Variants in PCDH15 observed in about 807,000 individuals in gnomAD.
The protein encoded by PCDH15 is protocadherin related 15.
Under a neutral mutation model 178.5 loss-of-function variants are expected in PCDH15, and 129 were observed. The observed-to-expected ratio is 0.72, with a 90% CI of 0.63 to 0.84. The LOEUF (loss-of-function observed/expected upper bound fraction) is 0.84. Ranked by LOEUF, PCDH15 falls within the 40% of genes least tolerant of loss-of-function variation. PCDH15 has a pLI of 0.00. For missense variants in PCDH15, 2,230 were observed against 2,099.9 expected (o/e 1.06, Z -1.21); for synonymous variants, 800 against 732.0 (o/e 1.09, Z -1.50).
At position 54,306,566 on chromosome 10, in the gene PCDH15, G is replaced by A. The variant is rs548912623; in HGVS notation, c.876+10705C>T. Among the ~76,000 whole-genome samples, 5 of 152,042 alleles carry A rather than the reference G, an allele frequency of 3.3e-5. No homozygotes were observed. In the East Asian group the frequency reaches 7.8e-4, roughly 24 times the overall value. ...TTCAACTGACTGGATGCAGCCAACC[G>A]ATATCATAGATCCAAAGTCCAGTGA... is the stretch of plus-strand genomic sequence containing the variant. On this transcript the variant is annotated intron_variant, in intron 8 of 37. Transcript: ENST00000644397.
intron 2 of PCDH15, among the ~76,000 whole-genome samples, chr10:55,504,832 C>T (rs952743628): frequency 4.6e-5 from 7 of 151,262 alleles, no homozygotes; most frequent in African/African-American, 1.7e-4. Flanking sequence ...AGATATAATG[C>T]ATACATTTAA....
At chr10:55,383,122 G>T (rs1175879539) in intron 2 of PCDH15, among the ~76,000 whole-genome samples, 3 of 152,128 alleles carry the variant, frequency 2.0e-5, no homozygotes, top group African/African-American at 7.2e-5. Flanking sequence ...TGATGGGAGT[G>T]GCTCTCAGTG....
At chr10:54,819,316 T>G (rs958125731) in intron 3 of PCDH15, among the ~76,000 whole-genome samples, 1 of 152,084 alleles carries the variant, frequency 6.6e-6, no homozygotes, top group African/African-American at 2.4e-5. Context: ...TTGCTCATAT[T>G]TGGGGTCTTT....
intron 2 of PCDH15, among the ~76,000 whole-genome samples, chr10:54,916,872 T>C (rs1837350861): frequency 6.6e-6 from 1 of 152,188 alleles, no homozygotes; most frequent in Non-Finnish European, 1.5e-5. Flanking sequence ...TGGGATTTTT[T>C]GCAAGTGATG....
chr10:54,735,733 G>A (rs573360001), intron 1 of PCDH15, among the ~76,000 whole-genome samples: 8 of 114,534 alleles, frequency 7.0e-5, no homozygotes, highest in Non-Finnish European at 1.3e-4. Flanking sequence ...GGATGAAATT[G>A]GAAATCATCA....
At chr10:54,760,276 A>G (rs1406014640) in intron 1 of PCDH15, among the ~76,000 whole-genome samples, 1 of 151,886 alleles carries the variant, frequency 6.6e-6, no homozygotes, top group Non-Finnish European at 1.5e-5. Context: ...TTCCTTTTTA[A>G]TTTACCTCAC....
At chr10:54,948,102 C>T (rs1453096895) in intron 2 of PCDH15, among the ~76,000 whole-genome samples, 1 of 151,730 alleles carries the variant, frequency 6.6e-6, no homozygotes, top group Non-Finnish European at 1.5e-5. Flanking sequence ...GGTATTTATT[C>T]TTCATAGACT....
intron 1 of PCDH15, among the ~76,000 whole-genome samples, chr10:55,257,134 G>A (rs7897137): frequency 1.6e-4 from 24 of 152,294 alleles, no homozygotes; most frequent in South Asian, 1.0e-3. Flanking sequence ...TGGACCTCCA[G>A]CAAACTCCAA....
chr10:53,917,680 A>G (rs889616375), intron 25 of PCDH15, among the ~76,000 whole-genome samples: 1 of 152,164 alleles, frequency 6.6e-6, no homozygotes. Context: ...AAAAGATAAG[A>G]GAAGAATCCA....
chr10:54,500,149 C>A (rs2080525622), intron 3 of PCDH15, among the ~76,000 whole-genome samples: 1 of 144,784 alleles, frequency 6.9e-6, no homozygotes, highest in Non-Finnish European at 1.5e-5. Context: ...TTTGCAACAA[C>A]ATTAAAGCAG....
chr10:54,563,950 T>C (rs2088608567), intron 2 of PCDH15, among the ~76,000 whole-genome samples: 1 of 152,056 alleles, frequency 6.6e-6, no homozygotes, highest in South Asian at 2.1e-4. Context: ...TAATAGTGCA[T>C]AAAAGCAAAG....
At chr10:54,257,244 A>C (rs911941009) in intron 8 of PCDH15, among the ~76,000 whole-genome samples, 26 of 152,232 alleles carry the variant, frequency 1.7e-4, no homozygotes, top group African/African-American at 6.3e-4. Context: ...AGTATGTGGA[A>C]CTCACCTACT....
chr10:54,987,052 T>C (rs1839387951), intron 2 of PCDH15, among the ~76,000 whole-genome samples: 1 of 152,090 alleles, frequency 6.6e-6, no homozygotes, highest in African/African-American at 2.4e-5. Context: ...TGTGTGATGT[T>C]CCCCTCCCTG....
At chr10:54,639,440 A>G (rs2093941629) in intron 2 of PCDH15, among the ~76,000 whole-genome samples, 1 of 151,622 alleles carries the variant, frequency 6.6e-6, no homozygotes, top group Non-Finnish European at 1.5e-5. Context: ...TTAAAAGGCA[A>G]AAAAAAAGGT....
At chr10:54,332,212 CTTTAA>C (rs1939764238) in intron 6 of PCDH15, among the ~76,000 whole-genome samples, 1 of 119,152 alleles carries the variant, frequency 8.4e-6, no homozygotes, top group Admixed American at 9.9e-5. Context: ...GTTAAATCAT[CTTTAA>C]TTTAGTTTTT....
chr10:54,126,343 T>C (rs537168096), intron 15 of PCDH15, among the ~76,000 whole-genome samples: 7 of 152,258 alleles, frequency 4.6e-5, no homozygotes, highest in African/African-American at 1.4e-4. Context: ...CACTTTTTTC[T>C]ACATTTCAAA....
At chr10:55,581,963 C>T (rs1366535550) in intron 2 of PCDH15, among the ~76,000 whole-genome samples, 3 of 152,128 alleles carry the variant, frequency 2.0e-5, no homozygotes, top group African/African-American at 7.2e-5. Flanking sequence ...ATTCTCCTGC[C>T]TCAGCCTACC....
At chr10:53,959,931 G>T in intron 22 of PCDH15, 87 bp from the exon 23 acceptor site, 1 of 1,022,930 alleles carries the variant, frequency 9.8e-7, no homozygotes, top group Non-Finnish European at 1.5e-6. Flanking sequence ...TTTACTTATT[G>T]GATTGCCTGG....
chr10:55,042,185 T>G (rs1490627348), intron 2 of PCDH15, among the ~76,000 whole-genome samples: 1 of 152,146 alleles, frequency 6.6e-6, no homozygotes, highest in Non-Finnish European at 1.5e-5. Context: ...AAGGAAACCA[T>G]GTTTATAACC....
Sources: gnomAD v4.1 joint callset for allele counts (sites outside exome capture counted in the v4.1 genomes callset) on GRCh38, gnomAD v4.1.1 for gene constraint, MANE v1.5 for transcripts, NCBI Gene and HGNC (gene_info 2026-07-23, HGNC 2026-07-21) for gene names.